Variants in PCDHGA2 observed in about 807,000 individuals in gnomAD.
The protein encoded by PCDHGA2 is protocadherin gamma-A2.
A neutral mutation model predicts 59.2 loss-of-function variants in PCDHGA2; 40 were observed. The observed-to-expected ratio is 0.68, with a 90% CI of 0.52 to 0.88. The LOEUF (loss-of-function observed/expected upper bound fraction) is 0.88, where lower values mean the gene tolerates loss of function less well. Ranked by LOEUF, PCDHGA2 falls within the 40% of genes least tolerant of loss-of-function variation. The pLI, the probability that PCDHGA2 is intolerant of heterozygous loss-of-function variation, is 0.00. For synonymous variants in PCDHGA2, 560 were observed against 526.0 expected, an observed-to-expected ratio of 1.06 and a Z score of -0.89; for missense variants, 1,226 against 1,204.0, an observed-to-expected ratio of 1.02 and a Z score of -0.27.
rs780380650 is a variant in PCDHGA2 at position 141,432,715 on chromosome 5, C to G, written c.2425-62092C>G. 2.5e-6 allele frequency: 4 copies of G among 1,613,996 alleles called. No homozygotes were observed. Among genetic ancestry groups the G allele is most frequent in the Non-Finnish European group, 3.4e-6 (4 of 1,179,970 alleles). On this transcript the variant is annotated intron_variant, in intron 1 of 3. Transcript: ENST00000394576. The surrounding 1 kb of genome is among the most constrained non-coding windows in gnomAD (Gnocchi z 6.0). ...TGGCCGTCCAGGACCACGGCCAGCC[C>G]CCTCTCTCCGCCACTGTCACGCTCA... is the stretch of plus-strand genomic sequence containing the variant.
rs149553852 is a variant in PCDHGA2 at position 141,415,009 on chromosome 5, C to T, written c.2424+73614C>T. On this transcript the variant is annotated intron_variant, in intron 1 of 3. Coordinates refer to ENST00000394576, the MANE Select transcript of PCDHGA2 (RefSeq NM_018915.4). ...CCAGAACGCCTGGCTGTCCTACCGT[C>T]TGCTCAAGGCCAGCGAGCCGGGACT... 1.9e-3 allele frequency: 3,040 copies of T among 1,613,658 alleles called. 49 individuals are homozygous for T. In the African/African-American group the frequency reaches 0.033, roughly 18 times the overall value.
Position 141,490,004 on chromosome 5 carries a change from C to T in PCDHGA2, c.2425-4803C>T. On this transcript the variant is annotated intron_variant, in intron 1 of 3. Coordinates refer to ENST00000394576, the MANE Select transcript of PCDHGA2 (RefSeq NM_018915.4). This position sits in a 1 kb window ranked among gnomAD's most constrained non-coding sequence, Gnocchi z 5.4. ...CTACGTGTGGGAATCCCAGAGAATG[C>T]ACCCATTGGTACTCTGCTGCTCCGC... The T allele has an allele frequency of 1.9e-6, 3 of 1,614,174 alleles. No individual in the cohort carries two copies. Among genetic ancestry groups the T allele is most frequent in the Non-Finnish European group, 2.5e-6 (3 of 1,179,980 alleles).
Position 141,352,298 on chromosome 5 carries a change from C to T in PCDHGA2, c.2424+10903C>T, listed in dbSNP as rs1414135907. 6.2e-6 allele frequency: 10 copies of T among 1,613,954 alleles called. No individual in the cohort carries two copies. The South Asian group carries it at 1.1e-4, about 18-fold the overall frequency. ...CAGCGACCGCCCTGAGCCCTCTGAC[C>T]CCCAGACGGAACTGCAGTTTTACCT... On this transcript the variant is annotated intron_variant, in intron 1 of 3. Transcript: ENST00000394576.
intron 1 of PCDHGA2, chr5:141,420,314 A>G (rs1454977890): frequency 6.9e-7 from 1 of 1,442,692 alleles, no homozygotes; most frequent in African/African-American, 1.4e-5. Flanking sequence ...TTTATATTAC[A>G]ATATGCCAAT....
At chr5:141,479,186 T>A (rs956575218) in intron 1 of PCDHGA2, 1 of 152,590 alleles carries the variant, frequency 6.6e-6, no homozygotes, top group Non-Finnish European at 1.5e-5. Flanking sequence ...GCTAGAAAAT[T>A]CAGAAAATAC....
At chr5:141,383,248 T>A in intron 1 of PCDHGA2, 1 of 1,613,948 alleles carries the variant, frequency 6.2e-7, no homozygotes. Context: ...AATGAATCTT[T>A]ACCCTATAGA....
chr5:141,350,460 G>A (rs767775457), intron 1 of PCDHGA2: 71 of 1,613,782 alleles, frequency 4.4e-5, no homozygotes, highest in Non-Finnish European at 5.8e-5. Flanking sequence ...CTGCGGGTTA[G>A]TGCAGAGGAT....
chr5:141,462,078 C>T (rs2154567608), intron 1 of PCDHGA2, among the ~76,000 whole-genome samples: 1 of 152,304 alleles, frequency 6.6e-6, no homozygotes, highest in East Asian at 1.9e-4. Flanking sequence ...CCGCCTTGGC[C>T]TCCCAAAATG....
intron 1 of PCDHGA2, among the ~76,000 whole-genome samples, chr5:141,456,780 T>A (rs1392367637): frequency 1.3e-5 from 2 of 152,000 alleles, no homozygotes; most frequent in Non-Finnish European, 2.9e-5. Flanking sequence ...CTGGCCTACA[T>A]GGCAAAACCC....
chr5:141,372,920 T>A (rs1390656899), intron 1 of PCDHGA2: 22 of 1,005,592 alleles, frequency 2.2e-5, no homozygotes, highest in Non-Finnish European at 3.0e-5. Context: ...ATTTTATTGA[T>A]TTTCTGGTGT....
At chr5:141,345,639 G>T (rs764564541) in intron 1 of PCDHGA2, 6 of 1,614,180 alleles carry the variant, frequency 3.7e-6, no homozygotes, top group Non-Finnish European at 5.1e-6. Context: ...GACAGCCAGC[G>T]ACAGCGGGAA....
At chr5:141,371,513 T>C (rs1470036501) in intron 1 of PCDHGA2, 5 of 1,613,818 alleles carry the variant, frequency 3.1e-6, no homozygotes, top group Non-Finnish European at 4.2e-6. Flanking sequence ...AAACACATGA[T>C]CTAGATTCTG....
Position 141,432,224 on chromosome 5 carries a change from T to C in PCDHGA2, c.2425-62583T>C. On this transcript the variant is annotated intron_variant, in intron 1 of 3. Transcript: ENST00000394576. The surrounding 1 kb of genome is among the most constrained non-coding windows in gnomAD (Gnocchi z 6.0). The stretch of plus-strand genomic sequence containing the variant: ...CTGTGAAGAGAACGCCCAGATCACT[T>C]ATTCCCTGGCTGAGAACACCATCCA... 6.2e-7 allele frequency: 1 copy of C among 1,614,138 alleles called. No homozygotes were observed. Among genetic ancestry groups the C allele is most frequent in the Non-Finnish European group, 8.5e-7 (1 of 1,180,024 alleles).
At chr5:141,504,511 CTCTGATAT>C (rs2099838890) in intron 2 of PCDHGA2, among the ~76,000 whole-genome samples, 1 of 151,902 alleles carries the variant, frequency 6.6e-6, no homozygotes, top group Non-Finnish European at 1.5e-5. Flanking sequence ...AGTGGATCTC[CTCTGATAT>C]ATTTTATTCG....
intron 1 of PCDHGA2, among the ~76,000 whole-genome samples, chr5:141,373,507 A>T (rs1769637375): frequency 6.6e-6 from 1 of 152,236 alleles, no homozygotes; most frequent in Non-Finnish European, 1.5e-5. Flanking sequence ...TGGGAGACAG[A>T]GCGAGACTTT....
At chr5:141,409,988 G>GC (rs1561724887) in intron 1 of PCDHGA2, 1 of 1,613,278 alleles carries the variant, frequency 6.2e-7, no homozygotes, top group Non-Finnish European at 8.5e-7. Flanking sequence ...AGCGGTGGAC[G>GC]CCGACTCGGG....
At chr5:141,454,620 G>T (rs1028840158) in intron 1 of PCDHGA2, among the ~76,000 whole-genome samples, 1 of 151,520 alleles carries the variant, frequency 6.6e-6, no homozygotes, top group East Asian at 1.9e-4. Flanking sequence ...TGGTCAGGCT[G>T]GTCTCGAACC....
At position 141,486,238 on chromosome 5, in the gene PCDHGA2, G is replaced by C. The variant is rs1414434705; in HGVS notation, c.2425-8569G>C. 6.2e-7 allele frequency: 1 copy of C among 1,614,058 alleles called. No homozygotes were observed. The highest frequency in any genetic ancestry group is 8.5e-7 in the Non-Finnish European group (1 of 1,180,024). On this transcript the variant is annotated intron_variant, in intron 1 of 3. Coordinates refer to ENST00000394576, the MANE Select transcript of PCDHGA2 (RefSeq NM_018915.4). This position sits in a 1 kb window ranked among gnomAD's most constrained non-coding sequence, Gnocchi z 5.0. ...CCCCTTACATCACAGTGACCTCAGA[G>C]CTTGGAACCCTCCCCGAGAGTGCAG... is the stretch of plus-strand genomic sequence containing the variant.
chr5:141,425,661 C>A (rs993314865), intron 1 of PCDHGA2, among the ~76,000 whole-genome samples: 5 of 152,184 alleles, frequency 3.3e-5, no homozygotes, highest in Admixed American at 3.3e-4. Context: ...ATTATCTGCA[C>A]ATCAGATTGA....
Sources: allele counts gnomAD v4.1 joint callset (sites outside exome capture counted in the v4.1 genomes callset), GRCh38; gene constraint gnomAD v4.1.1; non-coding constraint Gnocchi (gnomAD v3.1); transcripts MANE v1.5; gene names NCBI Gene and HGNC (gene_info 2026-07-23, HGNC 2026-07-21).